The following ZPBP variants were observed in gnomAD, a reference collection of about 807,000 sequenced individuals.
ZPBP encodes zona pellucida binding protein.
In ZPBP, 26 loss-of-function variants were observed where a neutral mutation model predicts 44.8. That is an observed-to-expected ratio of 0.58 (90% CI 0.43 to 0.81). ZPBP has a LOEUF of 0.81. ZPBP is among the 30% of genes least tolerant of loss of function. The pLI is 0.00. For missense variants in ZPBP, 409 were observed against 434.0 expected, an observed-to-expected ratio of 0.94 and a Z score of 0.51; for synonymous variants, 174 against 153.2, an observed-to-expected ratio of 1.14 and a Z score of -1.00.
chr7:49,929,389 A>C (rs976420103), intron 1 of ZPBP, among the ~76,000 whole-genome samples: 3 of 152,156 alleles, frequency 2.0e-5, no homozygotes, highest in African/African-American at 7.2e-5. Context: ...GAAAAATCCA[A>C]ATCTGGCCGA....
chr7:49,932,926 G>T (rs1354846996), downstream of ZPBP, among the ~76,000 whole-genome samples: 1 of 152,128 alleles, frequency 6.6e-6, no homozygotes, highest in Non-Finnish European at 1.5e-5. Context: ...CACCATGCAA[G>T]ACGTGACTTT....
At chr7:49,954,508 A>C (rs1446569835) in intron 7 of ZPBP, among the ~76,000 whole-genome samples, 1 of 152,288 alleles carries the variant, frequency 6.6e-6, no homozygotes, top group East Asian at 1.9e-4. Context: ...GCAAATTGGC[A>C]AAGCAGAAAT....
chr7:50,005,945 G>A (rs1036454981), intron 6 of ZPBP, among the ~76,000 whole-genome samples: 2 of 150,466 alleles, frequency 1.3e-5, no homozygotes, highest in African/African-American at 4.9e-5. Flanking sequence ...ATACATACAG[G>A]TTGAAGTGAG....
At chr7:49,872,345 A>C (rs1791193594) in intron 2 of ZPBP, among the ~76,000 whole-genome samples, 1 of 152,118 alleles carries the variant, frequency 6.6e-6, no homozygotes, top group African/African-American at 2.4e-5. Context: ...GTCAAGTTAG[A>C]TGTGCCGGGA....
intron 7 of ZPBP, among the ~76,000 whole-genome samples, chr7:49,968,442 T>A (rs1168181737): frequency 6.6e-6 from 1 of 151,950 alleles, no homozygotes; most frequent in Non-Finnish European, 1.5e-5. Context: ...TATAGCAACC[T>A]AGGAGAGCAA....
intron 6 of ZPBP, among the ~76,000 whole-genome samples, chr7:50,008,550 C>G (rs758640607): frequency 2.0e-5 from 3 of 151,812 alleles, no homozygotes; most frequent in Non-Finnish European, 4.4e-5. Context: ...CTCATGAGAC[C>G]CTTACTTGCC....
At chr7:50,010,393 T>C (rs943096469) in intron 6 of ZPBP, among the ~76,000 whole-genome samples, 3 of 152,144 alleles carry the variant, frequency 2.0e-5, no homozygotes, top group Non-Finnish European at 2.9e-5. Context: ...AACAAATGAT[T>C]TTGGAACAAT....
chr7:49,983,595 A>G (rs1343855456), intron 6 of ZPBP, 76 bp from the exon 7 acceptor site: 1 of 927,470 alleles, frequency 1.1e-6, no homozygotes, highest in Non-Finnish European at 1.6e-6. Flanking sequence ...ATGCATGTGG[A>G]TTTAGAATTT....
intron 3 of ZPBP, among the ~76,000 whole-genome samples, chr7:50,065,998 G>C (rs1801482819): frequency 6.6e-6 from 1 of 151,110 alleles, no homozygotes. Flanking sequence ...CTACTTAGTA[G>C]AGCAGTCTTT....
At chr7:49,931,494 C>T (rs1794440977) in intron 1 of ZPBP, among the ~76,000 whole-genome samples, 3 of 152,206 alleles carry the variant, frequency 2.0e-5, no homozygotes, top group South Asian at 4.1e-4. Context: ...TGCAAAGAGA[C>T]TGGTGGCATT....
chr7:50,060,548 A>C (rs955711474), intron 3 of ZPBP, among the ~76,000 whole-genome samples: 1 of 152,222 alleles, frequency 6.6e-6, no homozygotes, highest in Non-Finnish European at 1.5e-5. Flanking sequence ...ATGCCCATTA[A>C]CTAGAAAACC....
At chr7:50,053,979 C>G (rs1216171538) in intron 4 of ZPBP, among the ~76,000 whole-genome samples, 1 of 152,144 alleles carries the variant, frequency 6.6e-6, no homozygotes, top group African/African-American at 2.4e-5. Flanking sequence ...GCTTCCGCCT[C>G]CCAGGTTCAA....
At chr7:49,942,962 T>C (rs1794950392) in intron 7 of ZPBP, 1 of 166,800 alleles carries the variant, frequency 6.0e-6, no homozygotes, top group Non-Finnish European at 1.3e-5. Context: ...TGTCACTTCC[T>C]CTTCTGGATT....
chr7:49,893,338 C>T (rs1792224333), intron 2 of ZPBP, among the ~76,000 whole-genome samples: 1 of 152,060 alleles, frequency 6.6e-6, no homozygotes, highest in African/African-American at 2.4e-5. Context: ...CATAGCACTC[C>T]CTGGGAGTCA....
intron 7 of ZPBP, among the ~76,000 whole-genome samples, chr7:49,941,514 A>T (rs1295334336): frequency 1.3e-5 from 2 of 152,180 alleles, no homozygotes. Context: ...TAAACAATCC[A>T]AAAGGGAAAT....
chr7:49,991,898 G>A (rs1378378146), intron 6 of ZPBP, among the ~76,000 whole-genome samples: 1 of 151,806 alleles, frequency 6.6e-6, no homozygotes, highest in Non-Finnish European at 1.5e-5. Flanking sequence ...AAGAGAGGGT[G>A]GGAGAAAGGG....
In ZPBP at chr7:50,093,112, A is replaced by AT. The variant is rs1803079623; in HGVS notation, c.82dup (p.Ile28AsnfsTer67). ...CAGGAAGGCGGAGATAAAGAGGAGGATGGCGGCCCGAGAGAGCAGGGAGCC... is the reference window on the plus strand; with the variant it reads ...CAGGAAGGCGGAGATAAAGAGGAGGATTGGCGGCCCGAGAGAGCAGGGAGCC... On this transcript the variant is annotated frameshift_variant, in exon 1 of 8. Coordinates refer to ENST00000046087, the MANE Select transcript of ZPBP (RefSeq NM_007009.3). LOFTEE classifies it high-confidence loss of function. 6.3e-6 allele frequency: 10 copies of AT among 1,590,780 alleles called. No individual in the cohort carries two copies. Among genetic ancestry groups the AT allele is most frequent in the Non-Finnish European group, 6.8e-6 (8 of 1,169,200 alleles).
intron 7 of ZPBP, among the ~76,000 whole-genome samples, chr7:49,941,513 C>A (rs1794883879): frequency 6.6e-6 from 1 of 151,846 alleles, no homozygotes; most frequent in Non-Finnish European, 1.5e-5. Flanking sequence ...ATAAACAATC[C>A]AAAAGGGAAA....
At chr7:49,904,736 A>T (rs1383797384) in intron 1 of ZPBP, among the ~76,000 whole-genome samples, 1 of 139,006 alleles carries the variant, frequency 7.2e-6, no homozygotes, top group Non-Finnish European at 1.5e-5. Context: ...GCATATATTA[A>T]TTTTTTTTTT....
Sources: gnomAD v4.1 joint callset for allele counts (sites outside exome capture counted in the v4.1 genomes callset) on GRCh38, gnomAD v4.1.1 for gene constraint, MANE v1.5 for transcripts, NCBI Gene and HGNC (gene_info 2026-07-23, HGNC 2026-07-21) for gene names.